The following TRDN variants were observed in gnomAD, a reference collection of about 807,000 sequenced individuals.
TRDN encodes triadin.
In TRDN, 161 loss-of-function variants were observed where a neutral mutation model predicts 149.7. The ratio of observed to expected loss-of-function variants is 1.08; its 90% CI spans 0.95 to 1.23. TRDN has a LOEUF of 1.23. Ranked by LOEUF, TRDN falls within the 50% of genes most tolerant of loss-of-function variation. The pLI is 0.00. For missense variants in TRDN, 896 were observed against 823.5 expected (o/e 1.09, Z -1.08); for synonymous variants, 294 against 250.5 (o/e 1.17, Z -1.64).
intron 23 of TRDN, among the ~76,000 whole-genome samples, chr6:123,324,841 C>G (rs2114714366): frequency 6.6e-6 from 1 of 152,264 alleles, no homozygotes; most frequent in East Asian, 1.9e-4. Flanking sequence ...TCTTTCCATC[C>G]TATCAACTTG....
At chr6:123,516,235 T>C in intron 5 of TRDN, 29 bp from the exon 6 acceptor site, 2 of 1,453,272 alleles carry the variant, frequency 1.4e-6, no homozygotes, top group Non-Finnish European at 1.8e-6. Flanking sequence ...ATAGTTTTCA[T>C]TTAAATAACA....
intron 1 of TRDN, among the ~76,000 whole-genome samples, chr6:123,599,688 A>G (rs555408870): frequency 6.6e-6 from 1 of 152,094 alleles, no homozygotes; most frequent in East Asian, 1.9e-4. Flanking sequence ...TAAAGAATGT[A>G]TGAGGGTTGG....
chr6:123,250,317 C>A (rs1776330255), intron 38 of TRDN, among the ~76,000 whole-genome samples: 1 of 151,808 alleles, frequency 6.6e-6, no homozygotes, highest in Non-Finnish European at 1.5e-5. Flanking sequence ...CAAAGCACAG[C>A]TATTTCATGA....
At position 123,503,187 on chromosome 6, in the gene TRDN, TCTC is replaced by T. The variant is rs912847972; in HGVS notation, c.793+529_793+531del. 6.4e-5 allele frequency: 63 copies of T among 984,922 alleles called. No individual in the cohort carries two copies. The African/African-American group carries it at 8.7e-4, about 14-fold the overall frequency. The allele number at this position is 984,922 out of a possible 1,614,324, so 61.0% of individuals were successfully genotyped here. ...TGAAAAAGAAACTTGAGAACTGTCT[TCTC>T]TATAACATCTTGCCTATTAAATAAA... On this transcript the variant is annotated intron_variant, in intron 8 of 40. Coordinates refer to ENST00000334268, the MANE Select transcript of TRDN (RefSeq NM_006073.4).
intron 12 of TRDN, 136 bp downstream of exon 12, chr6:123,437,927 C>T: frequency 1.4e-6 from 1 of 695,410 alleles, no homozygotes; most frequent in Non-Finnish European, 2.4e-6. Flanking sequence ...TTGTCTAGTG[C>T]AAGTTTTGCT....
intron 12 of TRDN, among the ~76,000 whole-genome samples, chr6:123,401,882 G>A (rs969158296): frequency 2.6e-5 from 4 of 151,696 alleles, no homozygotes; most frequent in Non-Finnish European, 5.9e-5. Flanking sequence ...GGGAGGTGGA[G>A]GTTGCAGTGA....
chr6:123,595,650 A>G (rs926222287), intron 1 of TRDN, among the ~76,000 whole-genome samples: 8 of 152,084 alleles, frequency 5.3e-5, no homozygotes, highest in Non-Finnish European at 1.2e-4. Flanking sequence ...CCTCTGTGTC[A>G]CATTTTGGTA....
intron 9 of TRDN, among the ~76,000 whole-genome samples, chr6:123,488,370 C>T (rs1055810409): frequency 2.1e-4 from 32 of 152,106 alleles, no homozygotes; most frequent in African/African-American, 7.2e-4. Flanking sequence ...CAGCTAGATA[C>T]CATCTGTGGC....
At chr6:123,418,233 A>C (rs1220488746) in intron 12 of TRDN, among the ~76,000 whole-genome samples, 1 of 151,950 alleles carries the variant, frequency 6.6e-6, no homozygotes, top group Non-Finnish European at 1.5e-5. Flanking sequence ...CCCTCCAGCA[A>C]CTCAGTAGGA....
At chr6:123,528,788 T>A (rs1050199141) in intron 5 of TRDN, 46 of 993,418 alleles carry the variant, frequency 4.6e-5, no homozygotes, top group Non-Finnish European at 5.5e-5. Flanking sequence ...AAATCTTTTG[T>A]TCATATTCAC....
chr6:123,562,014 G>A (rs1418118075), intron 2 of TRDN, among the ~76,000 whole-genome samples: 1 of 152,046 alleles, frequency 6.6e-6, no homozygotes. Flanking sequence ...GCCAGTTCCT[G>A]CCTTAACTGA....
At chr6:123,511,428 A>C (rs1225635439) in intron 7 of TRDN, among the ~76,000 whole-genome samples, 1 of 152,184 alleles carries the variant, frequency 6.6e-6, no homozygotes, top group African/African-American at 2.4e-5. Flanking sequence ...GCTTGTATCA[A>C]AACATCACAT....
In TRDN at chr6:123,502,439, T is replaced by G; in HGVS notation, c.793+1280A>C. 4.8e-6 allele frequency: 3 copies of G among 626,162 alleles called. No homozygotes were observed. In the South Asian group the frequency reaches 2.1e-4, roughly 44 times the overall value. The allele number at this position is 626,162 out of a possible 1,614,324, so 38.8% of individuals were successfully genotyped here. On this transcript the variant is annotated intron_variant, in intron 8 of 40. Coordinates refer to ENST00000334268, the MANE Select transcript of TRDN (RefSeq NM_006073.4). ...CTTAAAATAATAAATTAAAATTATCTAAATTTAAAGGTTTGTAGATCACTA... is the reference window on the plus strand; with the variant it reads ...CTTAAAATAATAAATTAAAATTATCGAAATTTAAAGGTTTGTAGATCACTA...
chr6:123,411,475 T>C (rs912069918), intron 12 of TRDN, among the ~76,000 whole-genome samples: 2 of 152,062 alleles, frequency 1.3e-5, no homozygotes, highest in Admixed American at 1.3e-4. Flanking sequence ...TTGTATGACC[T>C]AGTTGGAAAG....
intron 37 of TRDN, among the ~76,000 whole-genome samples, chr6:123,254,710 A>G (rs961319617): frequency 6.6e-6 from 1 of 152,010 alleles, no homozygotes; most frequent in Non-Finnish European, 1.5e-5. Context: ...AAATATATTC[A>G]TGATCTTAAC....
intron 7 of TRDN, among the ~76,000 whole-genome samples, chr6:123,507,907 A>T (rs1352260765): frequency 4.6e-5 from 7 of 152,000 alleles, no homozygotes; most frequent in Admixed American, 6.6e-5. Flanking sequence ...ACATGTTGGG[A>T]GTTAGAAAAT....
intron 21 of TRDN, among the ~76,000 whole-genome samples, chr6:123,348,647 G>T (rs1481584459): frequency 1.3e-5 from 2 of 152,072 alleles, no homozygotes; most frequent in African/African-American, 4.8e-5. Context: ...GTAGCAGCTT[G>T]TAATATACTT....
chr6:123,241,981 C>T lies in TRDN; in HGVS notation c.1975+10431G>A, dbSNP rs77746455. Among the ~76,000 whole-genome samples the T allele has an allele frequency of 3.1e-3, 467 of 152,176 alleles. 18 individuals are homozygous for T. In the East Asian group the frequency reaches 0.076, roughly 25 times the overall value. ...TACTCATTTTGAGGATCTAACAAACCTAACTTTATATAAATGTTGACTCCC... is the reference window on the plus strand; with the variant it reads ...TACTCATTTTGAGGATCTAACAAACTTAACTTTATATAAATGTTGACTCCC... On this transcript the variant is annotated intron_variant, in intron 38 of 40. Coordinates refer to ENST00000334268, the MANE Select transcript of TRDN (RefSeq NM_006073.4).
intron 1 of TRDN, among the ~76,000 whole-genome samples, chr6:123,628,529 A>C (rs1473016053): frequency 1.3e-5 from 2 of 152,168 alleles, no homozygotes; most frequent in African/African-American, 4.8e-5. Flanking sequence ...GAGAATTACC[A>C]AAATGTGACA....
Sources: gnomAD v4.1 joint callset for allele counts (sites outside exome capture counted in the v4.1 genomes callset) on GRCh38, gnomAD v4.1.1 for gene constraint, MANE v1.5 for transcripts, NCBI Gene and HGNC (gene_info 2026-07-23, HGNC 2026-07-21) for gene names.